Variants in KCNIP4 observed in about 807,000 individuals in gnomAD.
KCNIP4 encodes Kv channel-interacting protein 4.
A neutral mutation model predicts 34.0 loss-of-function variants in KCNIP4; 12 were observed. The ratio of observed to expected loss-of-function variants is 0.35; its 90% CI spans 0.23 to 0.57. The LOEUF is 0.57. Ranked by LOEUF, KCNIP4 falls within the 20% of genes least tolerant of loss-of-function variation. The pLI, the probability that KCNIP4 is intolerant of heterozygous loss-of-function variation, is 0.83. For synonymous variants in KCNIP4, 124 were observed against 102.2 expected, an observed-to-expected ratio of 1.21 and a Z score of -1.29; for missense variants, 238 against 311.7, an observed-to-expected ratio of 0.76 and a Z score of 1.78.
At chr4:21,568,869 A>G (rs906866453) in intron 1 of KCNIP4, among the ~76,000 whole-genome samples, 10 of 152,048 alleles carry the variant, frequency 6.6e-5, no homozygotes, top group Non-Finnish European at 1.2e-4. Flanking sequence ...ATATTCATCT[A>G]TCCTGTTAGT....
chr4:21,550,172 C>T (rs1738457622), intron 1 of KCNIP4, among the ~76,000 whole-genome samples: 1 of 152,112 alleles, frequency 6.6e-6, no homozygotes, highest in Admixed American at 6.6e-5. Context: ...CTCCATGGAT[C>T]TCATTGGCAG....
chr4:21,325,463 GATTTT>G (rs1236561076), intron 1 of KCNIP4, among the ~76,000 whole-genome samples: 11 of 151,458 alleles, frequency 7.3e-5, no homozygotes, highest in Non-Finnish European at 1.6e-4. Context: ...TTTCATCTCT[GATTTT>G]ATTTATTTGG....
intron 1 of KCNIP4, among the ~76,000 whole-genome samples, chr4:21,681,455 T>C (rs1265436044): frequency 6.6e-6 from 1 of 152,118 alleles, no homozygotes; most frequent in Admixed American, 6.5e-5. Context: ...AGGAACAACA[T>C]TTATCAATGA....
intron 1 of KCNIP4, among the ~76,000 whole-genome samples, chr4:21,731,030 C>G (rs948715194): frequency 6.6e-6 from 1 of 151,568 alleles, no homozygotes; most frequent in South Asian, 2.1e-4. Flanking sequence ...TGGAGTATCA[C>G]CTGAGCCTAG....
chr4:20,831,112 A>C (rs995638015), intron 3 of KCNIP4, among the ~76,000 whole-genome samples: 1 of 152,184 alleles, frequency 6.6e-6, no homozygotes, highest in African/African-American at 2.4e-5. Flanking sequence ...TAAAACCTAA[A>C]AAGTGTAAGC....
intron 3 of KCNIP4, among the ~76,000 whole-genome samples, chr4:20,777,498 CT>C (rs1270384339): frequency 2.0e-5 from 3 of 152,146 alleles, no homozygotes; most frequent in African/African-American, 7.2e-5. Flanking sequence ...GCCCAAAGAG[CT>C]GCTGTGCCTC....
chr4:21,340,015 T>C (rs374519448), intron 1 of KCNIP4, among the ~76,000 whole-genome samples: 2 of 152,196 alleles, frequency 1.3e-5, no homozygotes, highest in African/African-American at 4.8e-5. Flanking sequence ...GTTATCTTTG[T>C]AAGGTGACTT....
chr4:21,314,199 A>G (rs756049761), intron 1 of KCNIP4, among the ~76,000 whole-genome samples: 7 of 152,172 alleles, frequency 4.6e-5, no homozygotes, highest in Non-Finnish European at 8.8e-5. Context: ...GCTAGCAAGA[A>G]ATGTCTTCCA....
chr4:21,320,718 C>G (rs1318015549), intron 1 of KCNIP4, among the ~76,000 whole-genome samples: 1 of 152,010 alleles, frequency 6.6e-6, no homozygotes, highest in Non-Finnish European at 1.5e-5. Context: ...TGCCTGTAAT[C>G]TCAGCACTTT....
intron 1 of KCNIP4, among the ~76,000 whole-genome samples, chr4:21,066,449 G>A (rs983852018): frequency 2.0e-5 from 3 of 152,116 alleles, no homozygotes; most frequent in African/African-American, 7.2e-5. Flanking sequence ...ACATCATATT[G>A]AGGAAAGAGG....
intron 1 of KCNIP4, among the ~76,000 whole-genome samples, chr4:21,579,637 C>T (rs1741050655): frequency 6.6e-6 from 1 of 151,988 alleles, no homozygotes; most frequent in Non-Finnish European, 1.5e-5. Context: ...CCTCAAACAC[C>T]TTGCTTTTTA....
At chr4:21,108,330 C>G (rs562480942) in intron 1 of KCNIP4, among the ~76,000 whole-genome samples, 1 of 148,350 alleles carries the variant, frequency 6.7e-6, no homozygotes. Context: ...CTTCCCTTCT[C>G]GCTTCATTTC....
chr4:21,201,794 G>A (rs905399790), intron 1 of KCNIP4, among the ~76,000 whole-genome samples: 11 of 152,224 alleles, frequency 7.2e-5, no homozygotes, highest in South Asian at 2.1e-4. Flanking sequence ...CACCACACCC[G>A]GCCCATCACA....
rs77539451 is a variant in KCNIP4 at position 21,389,991 on chromosome 4, C to G, written c.62-507282G>C. Among the ~76,000 whole-genome samples the G allele has an allele frequency of 4.5e-5, 6 of 134,412 alleles. No individual in the cohort carries two copies. The East Asian group carries it at 1.3e-3, about 28-fold the overall frequency. 88.2% of individuals were successfully genotyped at this position (134,412 alleles called of 152,430 possible). The stretch of plus-strand genomic sequence containing the variant: ...GTTTCCTGACTTTTTAATGATTGCC[C>G]TTCTAACTACTGTGAGATGGTATCT... On this transcript the variant is annotated intron_variant, in intron 1 of 8. Transcript: ENST00000382152.
At position 20,729,978 on chromosome 4, in the gene KCNIP4, T is replaced by C. The variant is rs1747556670; in HGVS notation, c.*104A>G. The C allele has an allele frequency of 7.6e-7, 1 of 1,321,388 alleles. No homozygotes were observed. The highest frequency in any genetic ancestry group is 1.0e-6 in the Non-Finnish European group (1 of 983,958). 81.9% of individuals were successfully genotyped at this position (1,321,388 alleles called of 1,614,324 possible). On this transcript the variant is annotated 3_prime_UTR_variant, in exon 9 of 9. Coordinates refer to ENST00000382152, the MANE Select transcript of KCNIP4 (RefSeq NM_025221.6). ...AACAAAGCTTGTTTGCATAATATGC[T>C]TCAGTGTCAAGCTGAGCAATCTATG...
intron 1 of KCNIP4, among the ~76,000 whole-genome samples, chr4:21,007,163 C>T (rs1440139658): frequency 1.3e-5 from 2 of 152,146 alleles, no homozygotes; most frequent in Admixed American, 6.5e-5. Context: ...GGGGATTGCA[C>T]ATTGGTGATT....
chr4:21,204,773 G>C (rs114760685), intron 1 of KCNIP4, among the ~76,000 whole-genome samples: 1 of 152,150 alleles, frequency 6.6e-6, no homozygotes, highest in South Asian at 2.1e-4. Flanking sequence ...GAAACATACA[G>C]GATCCCTCCT....
intron 1 of KCNIP4, among the ~76,000 whole-genome samples, chr4:21,909,942 C>A (rs1009803540): frequency 3.3e-5 from 5 of 152,038 alleles, no homozygotes; most frequent in Non-Finnish European, 7.4e-5. Flanking sequence ...CCCACCAGGT[C>A]CCTCCCACAA....
rs1724853273 is a variant in KCNIP4, at chr4:20,882,857, A to AG, written c.62-149dup. 7.3e-6 allele frequency: 3 copies of AG among 413,470 alleles called. No individual in the cohort carries two copies. The East Asian group carries it at 1.0e-4, about 14-fold the overall frequency. The allele number at this position is 413,470 out of a possible 1,614,324, so 25.6% of individuals were successfully genotyped here. ...CAGGCAGTGGGTTGGGACCCCCGAAAGGAAAAAAAAAGTTTGTTTTCTTCT... is the reference window on the plus strand; with the variant it reads ...CAGGCAGTGGGTTGGGACCCCCGAAAGGGAAAAAAAAAGTTTGTTTTCTTCT... On this transcript the variant is annotated intron_variant, in intron 1 of 8. Transcript: ENST00000382152.
Sources: gnomAD v4.1 joint callset for allele counts (sites outside exome capture counted in the v4.1 genomes callset) on GRCh38, gnomAD v4.1.1 for gene constraint, MANE v1.5 for transcripts, NCBI Gene and HGNC (gene_info 2026-07-23, HGNC 2026-07-21) for gene names.